Variants in CRACDL observed in about 807,000 individuals in gnomAD.
CRACDL encodes the protein CRACD-like protein.
Under a neutral mutation model 70.6 loss-of-function variants are expected in CRACDL, and 26 were observed. The ratio of observed to expected loss-of-function variants is 0.37; its 90% confidence interval spans 0.27 to 0.51. The LOEUF (loss-of-function observed/expected upper bound fraction) is 0.51, where lower values mean the gene tolerates loss of function less well. Among genes scored for constraint, CRACDL ranks in the 20% least tolerant of loss-of-function variants. The probability of loss-of-function intolerance (pLI) is 0.94; values close to 1 mark genes in which losing one functional copy is unlikely to be tolerated. For synonymous variants in CRACDL, 618 were observed against 615.2 expected, an observed-to-expected ratio of 1.00 and a Z score of -0.07; for missense variants, 1,283 against 1,376.9, an observed-to-expected ratio of 0.93 and a Z score of 1.08.
intron 2 of CRACDL, among the ~76,000 whole-genome samples, chr2:98,844,082 G>T (rs1289473655): frequency 6.6e-6 from 1 of 152,056 alleles, no homozygotes; most frequent in African/African-American, 2.4e-5. Flanking sequence ...CAGTATTCTT[G>T]CTACAGAATA....
At chr2:98,813,327 G>A (rs1440822035) in intron 7 of CRACDL, among the ~76,000 whole-genome samples, 1 of 152,172 alleles carries the variant, frequency 6.6e-6, no homozygotes, top group Admixed American at 6.5e-5. Flanking sequence ...AGCTACTTGG[G>A]AGGCTGAGGC....
At chr2:98,898,169 G>A (rs908782209) in intron 1 of CRACDL, among the ~76,000 whole-genome samples, 2 of 152,222 alleles carry the variant, frequency 1.3e-5, no homozygotes, top group South Asian at 2.1e-4. Context: ...AAAATCCTCT[G>A]TTGGTCCCTT....
rs749829186 is a variant in CRACDL, at chr2:98,823,214, C to T, written c.1059G>A (p.Glu353=). The change falls in exon 7 of 10, where the codon GAG becomes GAA. Residue 353 remains glutamate, a synonymous_variant. Transcript: ENST00000397899. The surrounding 1 kb of genome is among the most constrained non-coding windows in gnomAD (Gnocchi z 4.0). ...GGGGGCCCTCCGGCGGGGACGGGGGCTCCACGCGGAGAGTGGGGGCCGACT... is the reference window on the plus strand; with the variant it reads ...GGGGGCCCTCCGGCGGGGACGGGGGTTCCACGCGGAGAGTGGGGGCCGACT... The part of the protein sequence containing the change: ...EPESAPTLRV[E]PPSPPEGPPN... 3.5e-6 allele frequency: 5 copies of T among 1,423,348 alleles called. No homozygotes were observed. Among genetic ancestry groups the T allele is most frequent in the East Asian group, 2.9e-5 (1 of 34,466 alleles). 88.2% of individuals were successfully genotyped at this position (1,423,348 alleles called of 1,614,324 possible). A position where few individuals can be genotyped will look rare whatever the true frequency, so the allele number is the denominator to read the frequency against.
chr2:98,860,567 C>T (rs572584910), intron 1 of CRACDL, among the ~76,000 whole-genome samples: 5 of 152,194 alleles, frequency 3.3e-5, no homozygotes, highest in South Asian at 2.1e-4. Context: ...AAGTAGACAT[C>T]GACATGCAAA....
intron 3 of CRACDL, among the ~76,000 whole-genome samples, chr2:98,834,441 C>T (rs1457022589): frequency 6.6e-6 from 1 of 152,158 alleles, no homozygotes; most frequent in Non-Finnish European, 1.5e-5. Context: ...CCAGATACTA[C>T]TAAGTGCAAT....
At chr2:98,891,275 G>A (rs1707966535) in intron 1 of CRACDL, among the ~76,000 whole-genome samples, 1 of 149,326 alleles carries the variant, frequency 6.7e-6, no homozygotes, top group Non-Finnish European at 1.5e-5. Flanking sequence ...TACTCAGGAG[G>A]CTGAGGCAGG....
intron 1 of CRACDL, among the ~76,000 whole-genome samples, chr2:98,930,824 G>T (rs1709055316): frequency 6.6e-6 from 1 of 152,194 alleles, no homozygotes; most frequent in African/African-American, 2.4e-5. Flanking sequence ...CTAACTGGTA[G>T]TTATAACAAA....
At chr2:98,852,157 A>C (rs1254400226) in intron 1 of CRACDL, among the ~76,000 whole-genome samples, 1 of 152,094 alleles carries the variant, frequency 6.6e-6, no homozygotes, top group African/African-American at 2.4e-5. Flanking sequence ...GAAGGAAAAA[A>C]CTTCAGAGAG....
At chr2:98,834,059 G>A (rs758806007) in intron 3 of CRACDL, among the ~76,000 whole-genome samples, 9 of 152,156 alleles carry the variant, frequency 5.9e-5, no homozygotes, top group Non-Finnish European at 1.2e-4. Flanking sequence ...AGGGAACTAC[G>A]CCAACTGAAG....
At chr2:98,853,373 T>C (rs1706561315) in intron 1 of CRACDL, among the ~76,000 whole-genome samples, 2 of 152,196 alleles carry the variant, frequency 1.3e-5, no homozygotes, top group Non-Finnish European at 2.9e-5. Flanking sequence ...CCCAATATTC[T>C]ATATCCAGAA....
chr2:98,879,790 C>T (rs2104613470), intron 1 of CRACDL, among the ~76,000 whole-genome samples: 1 of 152,342 alleles, frequency 6.6e-6, no homozygotes, highest in East Asian at 1.9e-4. Flanking sequence ...AGGCAATCCG[C>T]CCGCCCTGGC....
At chr2:98,926,742 T>C (rs950443970) in intron 1 of CRACDL, among the ~76,000 whole-genome samples, 2 of 152,202 alleles carry the variant, frequency 1.3e-5, no homozygotes, top group Non-Finnish European at 2.9e-5. Flanking sequence ...ATAAACCGAA[T>C]GCGAATCAAT....
intron 1 of CRACDL, among the ~76,000 whole-genome samples, chr2:98,913,596 C>T (rs929213201): frequency 2.0e-5 from 3 of 152,206 alleles, no homozygotes; most frequent in East Asian, 3.9e-4. Flanking sequence ...AGGGCCAAGC[C>T]GATGGACTCA....
intron 7 of CRACDL, among the ~76,000 whole-genome samples, chr2:98,802,922 A>G (rs1043308904): frequency 1.3e-5 from 2 of 151,764 alleles, no homozygotes; most frequent in African/African-American, 2.4e-5. Context: ...AATTTGGTAC[A>G]TGGTGTCCTT....
chr2:98,877,666 T>G (rs912833642), intron 1 of CRACDL, among the ~76,000 whole-genome samples: 1 of 152,004 alleles, frequency 6.6e-6, no homozygotes, highest in African/African-American at 2.4e-5. Context: ...GGAGAATTGC[T>G]TGAACCTGGG....
intron 7 of CRACDL, among the ~76,000 whole-genome samples, chr2:98,816,645 G>A (rs1453935615): frequency 2.0e-5 from 3 of 152,148 alleles, no homozygotes; most frequent in Non-Finnish European, 4.4e-5. Flanking sequence ...TGTCTTGCAC[G>A]AGGGGAAATG....
At chr2:98,795,392 C>T (rs1703775837) in intron 9 of CRACDL, among the ~76,000 whole-genome samples, 2 of 151,950 alleles carry the variant, frequency 1.3e-5, no homozygotes, top group South Asian at 2.1e-4. Context: ...TTTTTAAATA[C>T]TGATACATGC....
rs145547578 is a variant in CRACDL, at chr2:98,813,545, C to G, written c.2416+8312G>C. ...TCATAGGCAAAAGTATGAACCTTGA[C>G]CTAAGTCTCACATCATATACAAAAT... On this transcript the variant is annotated intron_variant, in intron 7 of 9. Transcript: ENST00000397899. 9.1e-3 allele frequency among the ~76,000 whole-genome samples: 1,391 copies of G among 152,176 alleles called. 18 individuals are homozygous for G. Among genetic ancestry groups the G allele is most frequent in the African/African-American group, 0.031 (1,298 of 41,518 alleles).
At chr2:98,836,785 A>G in intron 3 of CRACDL, among the ~76,000 whole-genome samples, 1 of 152,014 alleles carries the variant, frequency 6.6e-6, no homozygotes, top group East Asian at 1.9e-4. Flanking sequence ...AGAACCGCCT[A>G]AAAAAAATGC....
Sources: gnomAD v4.1 joint callset for allele counts (sites outside exome capture counted in the v4.1 genomes callset) on GRCh38, gnomAD v4.1.1 for gene constraint, Gnocchi (gnomAD v3.1) non-coding constraint, MANE v1.5 for transcripts, NCBI Gene and HGNC (gene_info 2026-07-23, HGNC 2026-07-21) for gene names.